The following LHFPL3 variants were observed in gnomAD, a reference collection of about 807,000 sequenced individuals.
The protein encoded by LHFPL3 is LHFPL tetraspan subfamily member 3.
LHFPL3 carries 5 observed loss-of-function variants against 19.3 expected under a neutral mutation model. The ratio of observed to expected loss-of-function variants is 0.26; its 90% confidence interval spans 0.14 to 0.54. The LOEUF (loss-of-function observed/expected upper bound fraction) is 0.54, where lower values mean the gene tolerates loss of function less well. Among genes scored for constraint, LHFPL3 ranks in the 20% least tolerant of loss-of-function variants. The pLI is 0.94. For missense variants in LHFPL3, 249 were observed against 307.4 expected, an observed-to-expected ratio of 0.81 and a Z score of 1.42; for synonymous variants, 133 against 126.2, an observed-to-expected ratio of 1.05 and a Z score of -0.36.
rs193240223 is a variant in LHFPL3 at position 104,442,503 on chromosome 7, A to T, written c.445+113279A>T. ...AAGTATCCAAAATCTAGAAGAAAAT[A>T]TGTTTAACTCAGTACATTGCTAAAG... On this transcript the variant is annotated intron_variant, in intron 1 of 2. Coordinates refer to ENST00000424859, the MANE Select transcript of LHFPL3 (RefSeq NM_199000.3). Among the ~76,000 whole-genome samples the T allele has an allele frequency of 2.3e-3, 354 of 152,338 alleles. 2 individuals carry two copies. Among genetic ancestry groups the T allele is most frequent in the African/African-American group, 8.1e-3 (335 of 41,576 alleles).
Position 104,410,662 on chromosome 7 carries a change from C to T in LHFPL3, c.445+81438C>T, listed in dbSNP as rs1791519639. 2.0e-5 allele frequency among the ~76,000 whole-genome samples: 3 copies of T among 152,084 alleles called. No individual in the cohort carries two copies. The South Asian group carries it at 6.2e-4, about 32-fold the overall frequency. On this transcript the variant is annotated intron_variant, in intron 1 of 2. Transcript: ENST00000424859. ...TATAGCACATTAAAGATTCAAACAA[C>T]ATCATGCAAAAGACATAAATAGTGC...
intron 1 of LHFPL3, among the ~76,000 whole-genome samples, chr7:104,430,722 C>A (rs1791987283): frequency 6.6e-6 from 1 of 151,470 alleles, no homozygotes; most frequent in African/African-American, 2.4e-5. Context: ...CCCACCTCGG[C>A]CTCCCAAAGT....
At chr7:104,660,004 G>T (rs74301015) in intron 1 of LHFPL3, among the ~76,000 whole-genome samples, 13 of 140,474 alleles carry the variant, frequency 9.3e-5, no homozygotes, top group Non-Finnish European at 1.7e-4. Flanking sequence ...ACAGCAACTC[G>T]TTTTTTTTTT....
At chr7:104,858,839 T>C (rs1791559514) in intron 2 of LHFPL3, among the ~76,000 whole-genome samples, 1 of 152,088 alleles carries the variant, frequency 6.6e-6, no homozygotes. Context: ...TTCTCCCAAG[T>C]TGCATCTTCC....
intron 1 of LHFPL3, among the ~76,000 whole-genome samples, chr7:104,567,465 T>C (rs2385360): frequency 0.97 from 147,922 of 152,302 alleles, 71,988 homozygotes; most frequent in East Asian, 1. Context: ...ACTGGCATCC[T>C]CAAAGCTGGT....
At position 104,563,852 on chromosome 7, in the gene LHFPL3, AG is replaced by A. The variant is rs550424069; in HGVS notation, c.446-172822del. ...CACCCAATCTGTGATATTCTGTTATAGTAGCCTGAACAGACAAGGACAGCTG... is the reference window on the plus strand; with the variant it reads ...CACCCAATCTGTGATATTCTGTTATATAGCCTGAACAGACAAGGACAGCTG... On this transcript the variant is annotated intron_variant, in intron 1 of 2. Coordinates refer to ENST00000424859, the MANE Select transcript of LHFPL3 (RefSeq NM_199000.3). Among the ~76,000 whole-genome samples the A allele has an allele frequency of 2.4e-3, 362 of 152,362 alleles. 1 individual carries two copies. The highest frequency in any genetic ancestry group is 3.7e-3 in the Non-Finnish European group (254 of 68,032).
intron 1 of LHFPL3, among the ~76,000 whole-genome samples, chr7:104,464,149 G>A (rs79693604): frequency 0.058 from 8,833 of 152,292 alleles, 325 homozygotes; most frequent in Middle Eastern, 0.082. Flanking sequence ...AAATCCAATG[G>A]GGCAGTTATT....
At chr7:104,376,370 A>C (rs1372299808) in intron 1 of LHFPL3, among the ~76,000 whole-genome samples, 2 of 152,234 alleles carry the variant, frequency 1.3e-5, no homozygotes, top group Non-Finnish European at 2.9e-5. Flanking sequence ...TCAATAAATA[A>C]AGGGTAGAGA....
chr7:104,813,136 G>A (rs1271476756), intron 2 of LHFPL3, among the ~76,000 whole-genome samples: 1 of 151,914 alleles, frequency 6.6e-6, no homozygotes, highest in Non-Finnish European at 1.5e-5. Context: ...AAATTAGATG[G>A]GTGTGAGAGT....
intron 1 of LHFPL3, among the ~76,000 whole-genome samples, chr7:104,602,607 G>A (rs1250600939): frequency 6.6e-6 from 1 of 152,144 alleles, no homozygotes; most frequent in Non-Finnish European, 1.5e-5. Flanking sequence ...AAACCTCAAG[G>A]ACACAGAATC....
intron 1 of LHFPL3, among the ~76,000 whole-genome samples, chr7:104,430,011 C>T (rs1791924868): frequency 6.6e-6 from 1 of 152,040 alleles, no homozygotes; most frequent in Non-Finnish European, 1.5e-5. Flanking sequence ...CTCAATGGCT[C>T]CTCAAACCGC....
intron 1 of LHFPL3, among the ~76,000 whole-genome samples, chr7:104,677,095 G>T (rs1005861737): frequency 6.6e-6 from 1 of 152,172 alleles, no homozygotes; most frequent in Non-Finnish European, 1.5e-5. Flanking sequence ...AATAACCTCA[G>T]CCAGACACAC....
intron 2 of LHFPL3, among the ~76,000 whole-genome samples, chr7:104,737,550 C>G (rs1016180620): frequency 6.6e-6 from 1 of 152,158 alleles, no homozygotes; most frequent in Non-Finnish European, 1.5e-5. Context: ...GAAAATAGAA[C>G]ATTGACTATT....
intron 1 of LHFPL3, among the ~76,000 whole-genome samples, chr7:104,579,303 C>G (rs577350636): frequency 6.6e-6 from 1 of 152,104 alleles, no homozygotes; most frequent in African/African-American, 2.4e-5. Flanking sequence ...TCAACCCTTA[C>G]CCTGTTTCCT....
chr7:104,749,641 C>T (rs1456492732), intron 2 of LHFPL3, among the ~76,000 whole-genome samples: 1 of 152,278 alleles, frequency 6.6e-6, no homozygotes, highest in East Asian at 1.9e-4. Context: ...CGTTTACGGC[C>T]CTTAAGTCAG....
intron 1 of LHFPL3, among the ~76,000 whole-genome samples, chr7:104,498,816 A>G (rs1435256449): frequency 1.3e-5 from 2 of 152,208 alleles, no homozygotes; most frequent in Non-Finnish European, 2.9e-5. Context: ...TCCCTTGGCA[A>G]TAAGAATGCT....
intron 1 of LHFPL3, among the ~76,000 whole-genome samples, chr7:104,517,605 C>G (rs953047959): frequency 4.0e-5 from 6 of 150,070 alleles, no homozygotes; most frequent in African/African-American, 1.5e-4. Context: ...CTCCCAGGTT[C>G]AAGCGATCTT....
chr7:104,513,310 G>A (rs1446937828), intron 1 of LHFPL3, among the ~76,000 whole-genome samples: 1 of 152,146 alleles, frequency 6.6e-6, no homozygotes, highest in Admixed American at 6.6e-5. Context: ...TGACTTACTT[G>A]TGCAGAAAGG....
intron 1 of LHFPL3, among the ~76,000 whole-genome samples, chr7:104,697,987 T>C (rs1031145231): frequency 6.6e-6 from 1 of 152,224 alleles, no homozygotes. Context: ...CAGGTTTTCA[T>C]GTTCACTGGA....
Sources: allele counts gnomAD v4.1 joint callset (sites outside exome capture counted in the v4.1 genomes callset), GRCh38; gene constraint gnomAD v4.1.1; transcripts MANE v1.5; gene names NCBI Gene and HGNC (gene_info 2026-07-23, HGNC 2026-07-21).